The following KCNMB3 variants were observed in gnomAD, a reference collection of about 807,000 sequenced individuals.
KCNMB3 encodes potassium calcium-activated channel subfamily M regulatory beta subunit 3.
Under a neutral mutation model 11.9 loss-of-function variants are expected in KCNMB3, and 18 were observed. The observed-to-expected ratio is 1.51, with a 90% CI of 1.04 to 2.23. KCNMB3 has a LOEUF of 2.23. Ranked by LOEUF, KCNMB3 falls within the 30% of genes most tolerant of loss-of-function variation. KCNMB3 has a pLI of 0.00. For synonymous variants in KCNMB3, 78 were observed against 119.2 expected, an observed-to-expected ratio of 0.65 and a Z score of 2.25; for missense variants, 247 against 329.4, an observed-to-expected ratio of 0.75 and a Z score of 1.94.
At chr3:179,261,739 G>C (rs975104947) in intron 1 of KCNMB3, among the ~76,000 whole-genome samples, 5 of 152,218 alleles carry the variant, frequency 3.3e-5, no homozygotes, top group Non-Finnish European at 7.3e-5. Flanking sequence ...ATAGTTCCCA[G>C]TCTGCCACAC....
At chr3:179,246,799 T>C (rs574698450) in intron 1 of KCNMB3, among the ~76,000 whole-genome samples, 1 of 152,372 alleles carries the variant, frequency 6.6e-6, no homozygotes, top group East Asian at 1.9e-4. Context: ...ATTTGAATTT[T>C]CCTTAAAGAT....
At chr3:179,266,930 G>T (rs1056326940) in exon 1 of KCNMB3, 31 of 1,408,064 alleles carry the variant, frequency 2.2e-5, no homozygotes, top group Non-Finnish European at 2.7e-5. Flanking sequence ...AGGCGGAGCG[G>T]TCAGTTCTAG....
chr3:179,257,975 C>T (rs1726074581), intron 1 of KCNMB3, among the ~76,000 whole-genome samples: 1 of 152,136 alleles, frequency 6.6e-6, no homozygotes, highest in South Asian at 2.1e-4. Context: ...ATCTCCGCCT[C>T]GCAGGTTCAA....
chr3:179,259,727 T>TTTCTTG (rs1246179647), intron 1 of KCNMB3: 1 of 1,592,070 alleles, frequency 6.3e-7, no homozygotes. Flanking sequence ...TCTTTTTCTT[T>TTTCTTG]TTCTTGTTCT....
chr3:179,248,146 C>T (rs1044313381), intron 1 of KCNMB3, among the ~76,000 whole-genome samples: 2 of 152,078 alleles, frequency 1.3e-5, no homozygotes, highest in Non-Finnish European at 1.5e-5. Flanking sequence ...GCAAGTCTTA[C>T]GTCAGAATGA....
At chr3:179,261,329 G>GC (rs147623976) in intron 1 of KCNMB3, 64,834 of 1,106,306 alleles carry the variant, frequency 0.059, 868 homozygotes, top group Admixed American at 0.076. Flanking sequence ...CCGTGCCGGA[G>GC]CCCCCCCCCG....
intron 1 of KCNMB3, chr3:179,260,182 C>G: frequency 1.9e-6 from 3 of 1,612,964 alleles, no homozygotes; most frequent in East Asian, 2.2e-5. Context: ...CCCACATTCT[C>G]TGTGTGGCTC....
At chr3:179,240,229 A>T, downstream of KCNMB3, 1 of 536,938 alleles carries the variant, frequency 1.9e-6, no homozygotes, top group Non-Finnish European at 3.3e-6. Context: ...CTTTTCAGTA[A>T]TGACTAAGAA....
chr3:179,259,678 C>T (rs1726137521), intron 1 of KCNMB3: 1 of 1,606,068 alleles, frequency 6.2e-7, no homozygotes, highest in Non-Finnish European at 8.5e-7. Context: ...TTTTAAACAT[C>T]TTTAAGGGTT....
rs1031981170 is a variant in KCNMB3 at position 179,260,360 on chromosome 3, G to A, written c.62+6289C>T. The A allele has an allele frequency of 4.3e-6, 7 of 1,613,876 alleles. No individual in the cohort carries two copies. The African/African-American group carries it at 6.7e-5, about 15-fold the overall frequency. On this transcript the variant is annotated intron_variant, in intron 1 of 3. Transcript: ENST00000349697. The stretch of plus-strand genomic sequence containing the variant: ...GTTCCTCATAGGTAGCACCTGCTAA[G>A]GTTCCTAGGAATGGGGCAGTGTCTT...
intron 1 of KCNMB3, chr3:179,259,086 T>C (rs1030994583): frequency 1.2e-6 from 2 of 1,603,354 alleles, no homozygotes; most frequent in Admixed American, 1.7e-5. Context: ...TTCTCTGCTT[T>C]CTGGATTGAA....
chr3:179,262,302 T>C (rs1011489613), intron 1 of KCNMB3, among the ~76,000 whole-genome samples: 1 of 152,168 alleles, frequency 6.6e-6, no homozygotes. Context: ...CCGGAATTGG[T>C]GGGTTCTTGG....
At chr3:179,261,241 C>A (rs1349644122) in intron 1 of KCNMB3, 1 of 1,333,802 alleles carries the variant, frequency 7.5e-7, no homozygotes, top group African/African-American at 1.5e-5. Flanking sequence ...AACAGTAGAT[C>A]TCCCGGCTCT....
chr3:179,251,671 C>T (rs929759837), upstream of KCNMB3: 8 of 1,231,640 alleles, frequency 6.5e-6, no homozygotes, highest in East Asian at 1.2e-4. Flanking sequence ...GTGGGCATGG[C>T]GGCATCCAGC....
intron 1 of KCNMB3, among the ~76,000 whole-genome samples, chr3:179,258,564 T>C (rs1281220293): frequency 6.6e-6 from 1 of 152,178 alleles, no homozygotes. Flanking sequence ...AAATCAAATA[T>C]GAAAGTACAC....
intron 1 of KCNMB3, among the ~76,000 whole-genome samples, chr3:179,257,921 G>A (rs187301312): frequency 5.9e-5 from 9 of 152,068 alleles, no homozygotes; most frequent in Non-Finnish European, 1.2e-4. Context: ...AGTTTCGCTC[G>A]TTGTCCAGGC....
chr3:179,263,994 C>CG (rs1427085321), intron 1 of KCNMB3, among the ~76,000 whole-genome samples: 1 of 151,564 alleles, frequency 6.6e-6, no homozygotes, highest in East Asian at 1.9e-4. Flanking sequence ...TTAGTAGAAA[C>CG]GGGTTTTCAC....
intron 1 of KCNMB3, among the ~76,000 whole-genome samples, chr3:179,257,077 T>C (rs868320645): frequency 6.6e-6 from 1 of 152,288 alleles, no homozygotes; most frequent in East Asian, 1.9e-4. Flanking sequence ...GCCAGGAGGA[T>C]TGCTTGAGCC....
chr3:179,252,348 T>A (rs778614954), upstream of KCNMB3, among the ~76,000 whole-genome samples: 6 of 152,220 alleles, frequency 3.9e-5, no homozygotes, highest in Non-Finnish European at 7.3e-5. Context: ...ACAGGCTCCA[T>A]CAAGCTTCCT....
Sources: gnomAD v4.1 joint callset for allele counts (sites outside exome capture counted in the v4.1 genomes callset) on GRCh38, gnomAD v4.1.1 for gene constraint, MANE v1.5 for transcripts, NCBI Gene and HGNC (gene_info 2026-07-23, HGNC 2026-07-21) for gene names.